USO1: variants seen among roughly 807,000 people sequenced by gnomAD.
The protein encoded by USO1 is general vesicular transport factor p115.
A neutral mutation model predicts 124.5 loss-of-function variants in USO1; 57 were observed. The ratio of observed to expected loss-of-function variants is 0.46; its 90% CI spans 0.37 to 0.57. The LOEUF (loss-of-function observed/expected upper bound fraction) is 0.57. Among genes scored for constraint, USO1 ranks in the 20% least tolerant of loss-of-function variants. The pLI is 0.00. For missense variants in USO1, 900 were observed against 1,040.6 expected (o/e 0.86, Z 1.86); for synonymous variants, 369 against 362.8 (o/e 1.02, Z -0.19).
At chr4:75,744,067 T>G (rs973664968) in intron 1 of USO1, among the ~76,000 whole-genome samples, 2 of 152,186 alleles carry the variant, frequency 1.3e-5, no homozygotes, top group East Asian at 3.9e-4. Flanking sequence ...TGAGCCACTG[T>G]GCCTCGCCCC....
chr4:75,776,198 T>C (rs1202456340), intron 8 of USO1, among the ~76,000 whole-genome samples: 1 of 152,168 alleles, frequency 6.6e-6, no homozygotes, highest in Non-Finnish European at 1.5e-5. Context: ...CTATGGTCTC[T>C]CGAAAGTACA....
intron 14 of USO1, 78 bp downstream of exon 14, chr4:75,799,810 T>G: frequency 6.6e-7 from 1 of 1,520,026 alleles, no homozygotes; most frequent in Non-Finnish European, 8.9e-7. Flanking sequence ...GAAGTAGTTC[T>G]ATGCCCAAAA....
At chr4:75,750,510 G>A (rs1172162156) in intron 1 of USO1, among the ~76,000 whole-genome samples, 1 of 151,738 alleles carries the variant, frequency 6.6e-6, no homozygotes, top group Non-Finnish European at 1.5e-5. Flanking sequence ...TTTGAGACAG[G>A]GTCTCGCTCT....
At chr4:75,775,336 C>A (rs1162586871) in intron 8 of USO1, among the ~76,000 whole-genome samples, 1 of 152,026 alleles carries the variant, frequency 6.6e-6, no homozygotes, top group Non-Finnish European at 1.5e-5. Context: ...GCCAGGAGTT[C>A]GAGACCAGTC....
intron 19 of USO1, among the ~76,000 whole-genome samples, chr4:75,805,527 C>T (rs1025094818): frequency 1.3e-5 from 2 of 151,872 alleles, no homozygotes; most frequent in Non-Finnish European, 2.9e-5. Flanking sequence ...GCCAATATGG[C>T]GAAACCCTGT....
chr4:75,765,830 G>T (rs1182571058), intron 4 of USO1, among the ~76,000 whole-genome samples: 1 of 152,122 alleles, frequency 6.6e-6, no homozygotes, highest in Non-Finnish European at 1.5e-5. Flanking sequence ...CTCTAGTTAT[G>T]TTTGAGTATT....
At chr4:75,733,526 G>A (rs1374813872) in intron 1 of USO1, among the ~76,000 whole-genome samples, 1 of 152,156 alleles carries the variant, frequency 6.6e-6, no homozygotes, top group Non-Finnish European at 1.5e-5. Context: ...TGACTGGTGG[G>A]AGATGGTATT....
At chr4:75,778,793 A>C (rs1332641156) in intron 8 of USO1, among the ~76,000 whole-genome samples, 3 of 152,240 alleles carry the variant, frequency 2.0e-5, no homozygotes, top group Non-Finnish European at 4.4e-5. Context: ...ATAGTGTATT[A>C]GTATTCATTT....
At chr4:75,742,078 A>G (rs78588004) in intron 1 of USO1, among the ~76,000 whole-genome samples, 4,874 of 152,316 alleles carry the variant, frequency 0.032, 87 homozygotes, top group Non-Finnish European at 0.042. Context: ...TACTTCTTGA[A>G]GGACCTGCCT....
intron 14 of USO1, 133 bp downstream of exon 14, chr4:75,799,865 CTG>C: frequency 9.5e-7 from 1 of 1,047,346 alleles, no homozygotes; most frequent in Non-Finnish European, 1.3e-6. Flanking sequence ...ACTTTTTAAA[CTG>C]TTAAAGTTGT....
chr4:75,764,092 G>A (rs1399277265), intron 4 of USO1, among the ~76,000 whole-genome samples: 1 of 152,072 alleles, frequency 6.6e-6, no homozygotes, highest in Non-Finnish European at 1.5e-5. Flanking sequence ...CTTGTAATAG[G>A]ACCATATTTT....
chr4:75,736,723 T>C (rs1307249365), intron 1 of USO1, among the ~76,000 whole-genome samples: 1 of 152,218 alleles, frequency 6.6e-6, no homozygotes, highest in African/African-American at 2.4e-5. Context: ...TCTAATAAAC[T>C]GTAAAAGCTT....
intron 1 of USO1, among the ~76,000 whole-genome samples, chr4:75,735,432 C>A (rs916323853): frequency 1.3e-5 from 2 of 152,098 alleles, no homozygotes; most frequent in African/African-American, 4.8e-5. Flanking sequence ...CTTTCTCTTG[C>A]CTGATTGCTC....
chr4:75,736,307 CTTTTTTTTTTTTTT>C (rs775201813), intron 1 of USO1, among the ~76,000 whole-genome samples: 1 of 63,282 alleles, frequency 1.6e-5, no homozygotes, highest in African/African-American at 7.3e-5. Flanking sequence ...TACAGCTTAC[CTTTTTTTTTTTTTT>C]TTTTTTTTTT....
chr4:75,793,539 A>T (rs1722591248), intron 12 of USO1, 151 bp from the exon 13 acceptor site: 3 of 1,063,212 alleles, frequency 2.8e-6, no homozygotes, highest in Non-Finnish European at 3.9e-6. Context: ...ATCATTTTGA[A>T]AGTATATTTA....
intron 12 of USO1, 77 bp downstream of exon 12, chr4:75,790,874 TA>T: frequency 2.1e-6 from 3 of 1,417,178 alleles, no homozygotes; most frequent in Non-Finnish European, 1.8e-6. Flanking sequence ...TCTTTCTTTT[TA>T]TGCTTTAGCC....
At chr4:75,743,925 C>G (rs1206368144) in intron 1 of USO1, among the ~76,000 whole-genome samples, 1 of 152,162 alleles carries the variant, frequency 6.6e-6, no homozygotes, top group South Asian at 2.1e-4. Flanking sequence ...TACAGGCGCC[C>G]GCCACCACGG....
At chr4:75,789,089 C>A (rs1722454991) in intron 10 of USO1, among the ~76,000 whole-genome samples, 1 of 151,352 alleles carries the variant, frequency 6.6e-6, no homozygotes, top group Non-Finnish European at 1.5e-5. Context: ...TCTCTAGAAA[C>A]TTTTGAGATC....
chr4:75,809,692 A>G (rs574581958), intron 21 of USO1, among the ~76,000 whole-genome samples: 6 of 152,174 alleles, frequency 3.9e-5, no homozygotes, highest in African/African-American at 1.4e-4. Flanking sequence ...ACCTCACCAA[A>G]AGCACCTTTA....
Sources: allele counts gnomAD v4.1 joint callset (sites outside exome capture counted in the v4.1 genomes callset), GRCh38; gene constraint gnomAD v4.1.1; transcripts MANE v1.5; gene names NCBI Gene and HGNC (gene_info 2026-07-23, HGNC 2026-07-21).